DHRS3: variants seen among roughly 807,000 people sequenced by gnomAD.
DHRS3 encodes the protein short-chain dehydrogenase/reductase 3.
In DHRS3, 14 loss-of-function variants were observed where a neutral mutation model predicts 27.2. That is an observed-to-expected ratio of 0.52 (90% CI 0.34 to 0.81). DHRS3 has a LOEUF of 0.81. Among genes scored for constraint, DHRS3 ranks in the 30% least tolerant of loss-of-function variants. The pLI is 0.01. For missense variants in DHRS3, 322 were observed against 406.2 expected, an observed-to-expected ratio of 0.79 and a Z score of 1.78; for synonymous variants, 165 against 175.9, an observed-to-expected ratio of 0.94 and a Z score of 0.49.
At position 12,568,415 on chromosome 1, in the gene DHRS3, T is replaced by C. The variant is rs1443485367; in HGVS notation, c.834A>G (p.Pro278=). ...HALVILKSIL[P]QAALEEIHKF... is the part of the protein sequence containing the mutation. ...TGTGGATCTCCTCGAGTGCAGCCTGTGGAAGTATGCTGGAGTAGGAGGAAG... is the reference window on the plus strand; with the variant it reads ...TGTGGATCTCCTCGAGTGCAGCCTGCGGAAGTATGCTGGAGTAGGAGGAAG... Residue 278 remains proline (P), a synonymous_variant, in exon 6 of 6, where the codon CCA becomes CCG. Coordinates refer to ENST00000616661, the MANE Select transcript of DHRS3 (RefSeq NM_004753.7). 2 of 1,613,470 alleles carry C rather than the reference T, an allele frequency of 1.2e-6. No homozygotes were observed. Among genetic ancestry groups the C allele is most frequent in the East Asian group, 4.5e-5 (2 of 44,872 alleles).
chr1:12,618,050 C>A lies in DHRS3; in HGVS notation c.-702G>T, dbSNP rs71647049. On this transcript the variant is annotated 5_prime_UTR_variant, in exon 1 of 6. Transcript: ENST00000616661. This position sits in a 1 kb window ranked among gnomAD's most constrained non-coding sequence, Gnocchi z 4.2. ...TTTACGTGCAGCGCTCGCCCTCGCG[C>A]GCGCTCGCTCGCTCCGGCTCCCTCC... Among the ~76,000 whole-genome samples the A allele has an allele frequency of 0.029, 4,428 of 152,094 alleles. 88 individuals are homozygous for A. The highest frequency in any genetic ancestry group is 0.047 in the Non-Finnish European group (3,209 of 67,970).
intron 1 of DHRS3, among the ~76,000 whole-genome samples, chr1:12,595,826 G>A (rs186703657): frequency 6.2e-4 from 89 of 142,958 alleles, no homozygotes; most frequent in Non-Finnish European, 1.1e-3. Context: ...CTGGGTTGAG[G>A]TCTCAGGTGC....
At position 12,617,254 on chromosome 1, in the gene DHRS3, T is replaced by G. The variant is rs1646950592; in HGVS notation, c.95A>C (p.Lys32Thr). 6.2e-7 allele frequency: 1 copy of G among 1,613,662 alleles called. No individual in the cohort carries two copies. The highest frequency in any genetic ancestry group is 1.7e-5 in the Admixed American group (1 of 60,004). ...GTTCTCCCGCGACAGGTCCCGCAGC[T>G]TGGCGGGCAGCACCAGTCCGACGGC... is the stretch of plus-strand genomic sequence containing the variant. ...KAAVGLVLPA[K>T]LRDLSRENVL... Residue 32 changes from lysine to threonine, a missense_variant, in exon 1 of 6, where the codon AAG becomes ACG. Physicochemically the swap from Lys to Thr is moderately conservative, Grantham distance 78. Coordinates refer to ENST00000616661, the MANE Select transcript of DHRS3 (RefSeq NM_004753.7).
chr1:12,582,961 T>A (rs1239171231), intron 1 of DHRS3, among the ~76,000 whole-genome samples: 2 of 145,478 alleles, frequency 1.4e-5, no homozygotes, highest in Non-Finnish European at 3.0e-5. Flanking sequence ...TCCACTCACC[T>A]ACTTCTCCAC....
intron 1 of DHRS3, among the ~76,000 whole-genome samples, chr1:12,615,744 AGAGCTTCAG>A (rs1473497652): frequency 1.3e-5 from 2 of 152,174 alleles, no homozygotes; most frequent in African/African-American, 4.8e-5. Flanking sequence ...CCCTTCACAA[AGAGCTTCAG>A]GAGCCCTTTT....
At chr1:12,598,194 C>T (rs1330845354) in intron 1 of DHRS3, among the ~76,000 whole-genome samples, 1 of 152,146 alleles carries the variant, frequency 6.6e-6, no homozygotes, top group Non-Finnish European at 1.5e-5. Context: ...CAACAGGTAA[C>T]CTGGGCAACA....
At chr1:12,603,137 G>C (rs1221050887) in intron 1 of DHRS3, among the ~76,000 whole-genome samples, 1 of 152,236 alleles carries the variant, frequency 6.6e-6, no homozygotes, top group Non-Finnish European at 1.5e-5. Flanking sequence ...GAGGCTGAGG[G>C]CAGGAGGGGT....
At position 12,617,527 on chromosome 1, in the gene DHRS3, A is replaced by AT; in HGVS notation, c.-180_-179insA. On this transcript the variant is annotated 5_prime_UTR_variant, in exon 1 of 6. Transcript: ENST00000616661. ...AGCACCGGGTGAGAAAAAGAAAAAA[A>AT]AAAAAAAAAAAAAGATAAATTCTCC... 2.2e-6 allele frequency: 1 copy of AT among 454,110 alleles called. No homozygotes were observed. Among genetic ancestry groups the AT allele is most frequent in the Non-Finnish European group, 3.7e-6 (1 of 271,672 alleles). The allele number at this position is 454,110 out of a possible 1,614,324, so 28.1% of individuals were successfully genotyped here.
Position 12,608,570 on chromosome 1 carries a change from C to G in DHRS3, c.195+8584G>C, listed in dbSNP as rs1646886558. On this transcript the variant is annotated intron_variant, in intron 1 of 5. Coordinates refer to ENST00000616661, the MANE Select transcript of DHRS3 (RefSeq NM_004753.7). The surrounding 1 kb of genome is among the most constrained non-coding windows in gnomAD (Gnocchi z 4.1). ...TCCTCTTTTCCTCCTGCCCCCTGCC[C>G]CTGCCCCTGCCTGTGTCATTGCCCT... is the stretch of plus-strand genomic sequence containing the variant. Among the ~76,000 whole-genome samples, 1 of 152,158 alleles carries G rather than the reference C, an allele frequency of 6.6e-6. No individual in the cohort carries two copies. Among genetic ancestry groups the G allele is most frequent in the Admixed American group, 6.5e-5 (1 of 15,278 alleles).
chr1:12,572,657 G>A (rs758101280), intron 5 of DHRS3, 71 bp downstream of exon 5: 37 of 1,542,660 alleles, frequency 2.4e-5, no homozygotes, highest in African/African-American at 4.1e-5. Context: ...GCTCATGCCC[G>A]CAGCAGACAT....
At chr1:12,584,999 G>A (rs1557519842) in intron 1 of DHRS3, among the ~76,000 whole-genome samples, 1 of 151,378 alleles carries the variant, frequency 6.6e-6, no homozygotes, top group Admixed American at 6.6e-5. Flanking sequence ...CTGTGGGTGT[G>A]TGTCTGTGTG....
chr1:12,575,690 GGA>G (rs1431644872), intron 4 of DHRS3, among the ~76,000 whole-genome samples: 7 of 151,380 alleles, frequency 4.6e-5, no homozygotes, highest in Non-Finnish European at 1.0e-4. Flanking sequence ...CATGAAAAGG[GGA>G]TACTATTATT....
intron 5 of DHRS3, among the ~76,000 whole-genome samples, chr1:12,571,926 G>T (rs1038487079): frequency 1.3e-5 from 2 of 152,074 alleles, no homozygotes; most frequent in East Asian, 3.8e-4. Context: ...TACGTGACAC[G>T]AGATATCACA....
intron 1 of DHRS3, among the ~76,000 whole-genome samples, chr1:12,585,211 A>ATCTCTGTGTGTCTCTGTGAGTGTGTG (rs145659460): frequency 0.74 from 104,031 of 139,974 alleles, 38,531 homozygotes; most frequent in South Asian, 0.82. Context: ...GTGTCTGTGT[A>ATCTCTGTGTGTCTCTGTGAGTGTGTG]TCTCTGTGTG....
chr1:12,615,000 C>G (rs1183501097), intron 1 of DHRS3, among the ~76,000 whole-genome samples: 3 of 152,172 alleles, frequency 2.0e-5, no homozygotes, highest in Non-Finnish European at 4.4e-5. Flanking sequence ...TTTCCCCACT[C>G]CCTCGACACT....
intron 1 of DHRS3, chr1:12,616,894 T>G: frequency 1.0e-6 from 1 of 978,914 alleles, no homozygotes; most frequent in African/African-American, 1.7e-5. Flanking sequence ...GTCTCTTAGG[T>G]TTCAGGGTGG....
intron 1 of DHRS3, among the ~76,000 whole-genome samples, chr1:12,602,891 G>T (rs1172800202): frequency 2.6e-5 from 4 of 152,246 alleles, no homozygotes; most frequent in African/African-American, 9.6e-5. Context: ...CCGCCCAAAA[G>T]ATTTTGGCTG....
In DHRS3 at chr1:12,617,236, C is replaced by T. The variant is rs375803384; in HGVS notation, c.113G>A (p.Arg38Gln). 5 of 1,613,644 alleles carry T rather than the reference C, an allele frequency of 3.1e-6. No individual in the cohort carries two copies. The Admixed American group carries it at 6.7e-5, about 22-fold the overall frequency. The change falls in exon 1 of 6, where the codon CGG becomes CAG. Residue 38 changes from arginine to glutamine, a missense_variant. Arg to Gln is a conservative substitution (Grantham distance 43). Transcript: ENST00000616661. ...GCCGCCGGTGATGAGGACGTTCTCC[C>T]GCGACAGGTCCCGCAGCTTGGCGGG... Reference protein sequence around the residue: ...VLPAKLRDLSRENVLITGGGR... With the variant: ...VLPAKLRDLSQENVLITGGGR...
rs1646755355 is a variant in DHRS3 at position 12,592,535 on chromosome 1, A to G, written c.196-11869T>C. The stretch of plus-strand genomic sequence containing the variant: ...ATGCCAGGAGCTGCCAAGAGCCACC[A>G]GGAGCTGAAAGAGACAAGGAAGGAT... On this transcript the variant is annotated intron_variant, in intron 1 of 5. Coordinates refer to ENST00000616661, the MANE Select transcript of DHRS3 (RefSeq NM_004753.7). The surrounding 1 kb of genome is among the most constrained non-coding windows in gnomAD (Gnocchi z 4.2). Among the ~76,000 whole-genome samples, 2 of 152,218 alleles carry G rather than the reference A, an allele frequency of 1.3e-5. No individual in the cohort carries two copies. The highest frequency in any genetic ancestry group is 4.1e-4 in the South Asian group (2 of 4,832).
Sources: gnomAD v4.1 joint callset for allele counts (sites outside exome capture counted in the v4.1 genomes callset) on GRCh38, gnomAD v4.1.1 for gene constraint, Gnocchi (gnomAD v3.1) non-coding constraint, MANE v1.5 for transcripts, NCBI Gene and HGNC (gene_info 2026-07-23, HGNC 2026-07-21) for gene names.